Variants in PIK3C2B observed in about 807,000 individuals in gnomAD.
PIK3C2B encodes the protein phosphatidylinositol 4-phosphate 3-kinase C2 domain-containing subunit beta.
In PIK3C2B, 83 loss-of-function variants were observed where a neutral mutation model predicts 184.3. That is an observed-to-expected ratio of 0.45 (90% CI 0.38 to 0.54). PIK3C2B has a LOEUF of 0.54. Among genes scored for constraint, PIK3C2B ranks in the 20% least tolerant of loss-of-function variants. The pLI is 0.00. For missense variants in PIK3C2B, 1,736 were observed against 2,113.5 expected (o/e 0.82, Z 3.50); for synonymous variants, 779 against 837.6 (o/e 0.93, Z 1.21).
chr1:204,491,643 C>T (rs560329985), intron 1 of PIK3C2B, among the ~76,000 whole-genome samples: 2 of 152,338 alleles, frequency 1.3e-5, no homozygotes, highest in East Asian at 1.9e-4. Context: ...GCCTAGGCAA[C>T]AGGGAGAGAC....
At chr1:204,482,096 A>G (rs1657200010) in intron 1 of PIK3C2B, among the ~76,000 whole-genome samples, 2 of 138,104 alleles carry the variant, frequency 1.4e-5, no homozygotes, top group African/African-American at 3.0e-5. Context: ...GGGAGGAATG[A>G]GCCATGAAAA....
At chr1:204,475,171 C>G (rs1010810318) in intron 1 of PIK3C2B, among the ~76,000 whole-genome samples, 1 of 152,134 alleles carries the variant, frequency 6.6e-6, no homozygotes, top group Non-Finnish European at 1.5e-5. Flanking sequence ...CTGATCACCT[C>G]GCTTCCTGCC....
intron 8 of PIK3C2B, 139 bp from the exon 9 acceptor site, chr1:204,458,013 C>A: frequency 1.4e-6 from 1 of 694,674 alleles, no homozygotes; most frequent in Non-Finnish European, 2.3e-6. Context: ...ATGTGCAATA[C>A]ATTTTATTTT....
At chr1:204,453,618 C>T (rs1654560507) in intron 12 of PIK3C2B, among the ~76,000 whole-genome samples, 2 of 152,236 alleles carry the variant, frequency 1.3e-5, no homozygotes, top group South Asian at 4.1e-4. Context: ...GACAACCCTC[C>T]CTTCTCTATA....
At position 204,424,804 on chromosome 1, in the gene PIK3C2B, C is replaced by T. The variant is rs201442246; in HGVS notation, c.*48G>A. 5.8e-5 allele frequency: 93 copies of T among 1,594,340 alleles called. No individual in the cohort carries two copies. Among genetic ancestry groups the T allele is most frequent in the Non-Finnish European group, 6.4e-5 (74 of 1,162,470 alleles). On this transcript the variant is annotated 3_prime_UTR_variant, in exon 33 of 33. Transcript: ENST00000684373. ...GTCTCACAGGGGAGAGTCCTCTCCC[C>T]CAGCTCCTGCCACCAGCCTGGGATG...
chr1:204,490,712 C>T (rs1411602819), intron 1 of PIK3C2B, among the ~76,000 whole-genome samples: 2 of 151,394 alleles, frequency 1.3e-5, no homozygotes, highest in African/African-American at 4.9e-5. Context: ...TCACTTGAGA[C>T]CAGAAGTTCG....
rs1014765549 is a variant in PIK3C2B at position 204,460,607 on chromosome 1, A to G, written c.1365T>C (p.Ile455=). Residue 455 remains isoleucine (I), a synonymous_variant, in exon 6 of 33, where the codon ATT becomes ATC. Transcript: ENST00000684373. ...GCTCCATCAGCTGTAGCCGAATGTCAATGTCAAACTTGCGGCAGTATTGGA... is the reference window on the plus strand; with the variant it reads ...GCTCCATCAGCTGTAGCCGAATGTCGATGTCAAACTTGCGGCAGTATTGGA... The part of the protein sequence containing the change: ...EYIQYCRKFD[I]DIRLQLMEQK... 1.2e-6 allele frequency: 2 copies of G among 1,613,944 alleles called. No homozygotes were observed. The highest frequency in any genetic ancestry group is 2.7e-5 in the African/African-American group (2 of 74,880).
intron 5 of PIK3C2B, 41 bp from the exon 6 acceptor site, chr1:204,460,702 C>G (rs1264382213): frequency 7.7e-7 from 1 of 1,294,790 alleles, no homozygotes; most frequent in Non-Finnish European, 1.1e-6. Flanking sequence ...ATCCTGGGGA[C>G]TCAGTGGCAA....
intron 16 of PIK3C2B, 115 bp from the exon 17 acceptor site, chr1:204,444,539 C>T: frequency 1.5e-6 from 1 of 685,860 alleles, no homozygotes; most frequent in Non-Finnish European, 2.5e-6. Flanking sequence ...TGCAATGGCC[C>T]TAGATTCTGC....
Position 204,457,720 on chromosome 1 carries a change from C to T in PIK3C2B, c.1713+8G>A, listed in dbSNP as rs1055964070. 18 of 1,599,362 alleles carry T rather than the reference C, an allele frequency of 1.1e-5. No individual in the cohort carries two copies. The highest frequency in any genetic ancestry group is 4.5e-5 in the East Asian group (2 of 44,514). On this transcript the variant is annotated splice_region_variant and intron_variant, in intron 9 of 32. Coordinates refer to ENST00000684373, the MANE Select transcript of PIK3C2B (RefSeq NM_001377334.1). ...CCTTTCCCCTGCTAGCACCCTGGGCCCCTTTACCTTCTGAATTTTAGGCTG... is the reference window on the plus strand; with the variant it reads ...CCTTTCCCCTGCTAGCACCCTGGGCTCCTTTACCTTCTGAATTTTAGGCTG...
At chr1:204,440,765 T>TTATATATATA (rs34842826) in intron 21 of PIK3C2B, among the ~76,000 whole-genome samples, 62 of 140,058 alleles carry the variant, frequency 4.4e-4, no homozygotes, top group African/African-American at 1.1e-3. Context: ...CCCAGCTAAT[T>TTATATATATA]TATATATATA....
intron 1 of PIK3C2B, among the ~76,000 whole-genome samples, chr1:204,476,129 C>A (rs926706295): frequency 6.6e-6 from 1 of 152,212 alleles, no homozygotes; most frequent in African/African-American, 2.4e-5. Context: ...TGAAACACAG[C>A]GACCTGGCTT....
intron 27 of PIK3C2B, 48 bp downstream of exon 27, chr1:204,432,152 G>A (rs765476393): frequency 2.6e-6 from 4 of 1,544,438 alleles, no homozygotes; most frequent in Non-Finnish European, 3.6e-6. Flanking sequence ...CAGCAAGCCA[G>A]GGTCAGCAGA....
chr1:204,448,928 T>A (rs532185951), intron 14 of PIK3C2B, among the ~76,000 whole-genome samples: 2 of 152,268 alleles, frequency 1.3e-5, no homozygotes, highest in African/African-American at 4.8e-5. Context: ...GAGCCCTGAA[T>A]GCAGAGGGTC....
At position 204,424,781 on chromosome 1, in the gene PIK3C2B, C is replaced by T. The variant is rs570618115; in HGVS notation, c.*71G>A. 3.9e-5 allele frequency: 59 copies of T among 1,505,312 alleles called. No individual in the cohort carries two copies. In the South Asian group the frequency reaches 6.3e-4, roughly 16 times the overall value. 93.2% of individuals were successfully genotyped at this position (1,505,312 alleles called of 1,614,324 possible). On this transcript the variant is annotated 3_prime_UTR_variant, in exon 33 of 33. Coordinates refer to ENST00000684373, the MANE Select transcript of PIK3C2B (RefSeq NM_001377334.1). ...GCCCTGGCCCTTCACAAGGAGGAGT[C>T]TCACAGGGGAGAGTCCTCTCCCCCA... is the stretch of plus-strand genomic sequence containing the variant.
Position 204,447,656 on chromosome 1 carries a change from G to A in PIK3C2B, c.2347-78C>T. 1 of 1,039,598 alleles carries A rather than the reference G, an allele frequency of 9.6e-7. No homozygotes were observed. The highest frequency in any genetic ancestry group is 1.5e-6 in the Non-Finnish European group (1 of 686,112). 64.4% of individuals were successfully genotyped at this position (1,039,598 alleles called of 1,614,324 possible). A position where few individuals can be genotyped will look rare whatever the true frequency, so the allele number is the denominator to read the frequency against. On this transcript the variant is annotated intron_variant, in intron 14 of 32. Transcript: ENST00000684373. The surrounding 1 kb of genome is among the most constrained non-coding windows in gnomAD (Gnocchi z 4.1). ...CTCCCAGCTTCTTTCTCTCACCCCA[G>A]CATTCCGGCCTTGTCCCTCCCTCAC...
intron 23 of PIK3C2B, among the ~76,000 whole-genome samples, chr1:204,438,029 G>A (rs1322034080): frequency 6.6e-6 from 1 of 152,114 alleles, no homozygotes; most frequent in Non-Finnish European, 1.5e-5. Flanking sequence ...TAAGCCCCGG[G>A]GAACACAAAC....
chr1:204,456,873 AACACAC>A lies in PIK3C2B; in HGVS notation c.1747+158_1747+163del, dbSNP rs747482741. ...CAGCTGTATCCACACCTCATATAGG[AACACAC>A]ACACACACACACACACACACACACA... On this transcript the variant is annotated intron_variant, in intron 10 of 32. Coordinates refer to ENST00000684373, the MANE Select transcript of PIK3C2B (RefSeq NM_001377334.1). 2.6e-3 allele frequency among the ~76,000 whole-genome samples: 366 copies of A among 141,604 alleles called. 2 individuals are homozygous for A. Among genetic ancestry groups the A allele is most frequent in the African/African-American group, 9.0e-3 (344 of 38,142 alleles). The allele number at this position is 141,604 out of a possible 152,430, so 92.9% of individuals were successfully genotyped here. A position where few individuals can be genotyped will look rare whatever the true frequency, so the allele number is the denominator to read the frequency against.
At chr1:204,460,019 C>T (rs1365558459) in intron 7 of PIK3C2B, 78 bp from the exon 8 acceptor site, 1 of 1,120,784 alleles carries the variant, frequency 8.9e-7, no homozygotes, top group Non-Finnish European at 1.3e-6. Flanking sequence ...TTTTCTCCCT[C>T]CCTCTCCTCA....
Sources: allele counts gnomAD v4.1 joint callset (sites outside exome capture counted in the v4.1 genomes callset), GRCh38; gene constraint gnomAD v4.1.1; non-coding constraint Gnocchi (gnomAD v3.1); transcripts MANE v1.5; gene names NCBI Gene and HGNC (gene_info 2026-07-23, HGNC 2026-07-21).